Variants in CDH13 observed in about 807,000 individuals in gnomAD.
CDH13 encodes the protein cadherin 13.
CDH13 carries 24 observed loss-of-function variants against 63.8 expected under a neutral mutation model. That is an observed-to-expected ratio of 0.38 (90% CI 0.27 to 0.53). The LOEUF (loss-of-function observed/expected upper bound fraction) is 0.53. Among genes scored for constraint, CDH13 ranks in the 20% least tolerant of loss-of-function variants. The pLI is 0.85. For synonymous variants in CDH13, 503 were observed against 355.3 expected (o/e 1.42, Z -4.67); for missense variants, 1,049 against 903.1 (o/e 1.16, Z -2.07).
At chr16:82,783,452 G>C (rs1019029789) in intron 1 of CDH13, among the ~76,000 whole-genome samples, 4 of 152,228 alleles carry the variant, frequency 2.6e-5, no homozygotes, top group African/African-American at 7.2e-5. Flanking sequence ...CACTCAGCTT[G>C]AATTAAAGAG....
chr16:83,521,073 C>G (rs907653661), intron 7 of CDH13, among the ~76,000 whole-genome samples: 1 of 152,196 alleles, frequency 6.6e-6, no homozygotes, highest in Non-Finnish European at 1.5e-5. Flanking sequence ...AAGCAACATG[C>G]TCTCTTTTAC....
At chr16:83,693,311 G>C (rs1370937398) in intron 10 of CDH13, among the ~76,000 whole-genome samples, 1 of 152,168 alleles carries the variant, frequency 6.6e-6, no homozygotes, top group Non-Finnish European at 1.5e-5. Context: ...TTCAGGGAAA[G>C]TGTTTAGAAC....
chr16:83,342,190 C>G (rs1214397595), intron 5 of CDH13, among the ~76,000 whole-genome samples: 1 of 152,116 alleles, frequency 6.6e-6, no homozygotes, highest in Non-Finnish European at 1.5e-5. Flanking sequence ...ATTGCAATAG[C>G]CATATGTGGC....
intron 3 of CDH13, among the ~76,000 whole-genome samples, chr16:83,101,511 G>T (rs963193454): frequency 7.2e-5 from 11 of 151,858 alleles, no homozygotes; most frequent in African/African-American, 1.7e-4. Flanking sequence ...ACTGGGTAGA[G>T]GCTGGGCGTG....
At chr16:82,750,823 A>G (rs1324314900) in intron 1 of CDH13, among the ~76,000 whole-genome samples, 1 of 152,138 alleles carries the variant, frequency 6.6e-6, no homozygotes, top group Non-Finnish European at 1.5e-5. Context: ...TCTGATTTCC[A>G]ATTTTCTGTT....
intron 2 of CDH13, chr16:82,884,293 G>C (rs986474278): frequency 2.3e-6 from 1 of 442,408 alleles, no homozygotes; most frequent in Non-Finnish European, 4.5e-6. Context: ...AGTCAGCAGA[G>C]GCATGCTATT....
rs548899303 is a variant in CDH13, at chr16:83,086,013, C to T, written c.367-39372C>T. ...ATTTGTCTCAAATCAGCACAGCCTTCTACAGCTAAGGCAGGTGTACTGGCT... is the reference window on the plus strand; with the variant it reads ...ATTTGTCTCAAATCAGCACAGCCTTTTACAGCTAAGGCAGGTGTACTGGCT... On this transcript the variant is annotated intron_variant, in intron 3 of 13. Coordinates refer to ENST00000567109, the MANE Select transcript of CDH13 (RefSeq NM_001257.5). 4.6e-5 allele frequency among the ~76,000 whole-genome samples: 7 copies of T among 152,310 alleles called. No homozygotes were observed. In the South Asian group the frequency reaches 1.5e-3, roughly 32 times the overall value.
intron 2 of CDH13, among the ~76,000 whole-genome samples, chr16:82,913,638 G>T (rs952668123): frequency 1.3e-5 from 2 of 152,148 alleles, no homozygotes; most frequent in African/African-American, 2.4e-5. Context: ...CACAAGATGC[G>T]ATCGCTGACG....
chr16:83,294,765 G>A (rs1435032248), intron 5 of CDH13, among the ~76,000 whole-genome samples: 1 of 151,988 alleles, frequency 6.6e-6, no homozygotes, highest in Non-Finnish European at 1.5e-5. Context: ...TCCCATGTTC[G>A]TGGATTGCCG....
chr16:83,403,323 A>C (rs1410707209), intron 6 of CDH13, among the ~76,000 whole-genome samples: 1 of 152,128 alleles, frequency 6.6e-6, no homozygotes, highest in African/African-American at 2.4e-5. Flanking sequence ...CTTGGAGGAA[A>C]TAGAGGATAT....
intron 3 of CDH13, among the ~76,000 whole-genome samples, chr16:83,045,671 A>G (rs1917716060): frequency 6.7e-6 from 1 of 148,282 alleles, no homozygotes; most frequent in African/African-American, 2.5e-5. Flanking sequence ...ATGGGTCTGC[A>G]TTTCTCAAGG....
intron 1 of CDH13, among the ~76,000 whole-genome samples, chr16:82,674,787 A>G (rs1356396294): frequency 6.6e-6 from 1 of 152,222 alleles, no homozygotes; most frequent in East Asian, 1.9e-4. Flanking sequence ...TAAATTATTT[A>G]TAATTATGGT....
intron 4 of CDH13, among the ~76,000 whole-genome samples, chr16:83,198,872 A>C (rs984961425): frequency 1.3e-5 from 2 of 152,178 alleles, no homozygotes; most frequent in Admixed American, 1.3e-4. Flanking sequence ...AAAATTAAAT[A>C]ATGGGGTTTT....
At chr16:82,690,104 G>C (rs1363430873) in intron 1 of CDH13, among the ~76,000 whole-genome samples, 1 of 143,760 alleles carries the variant, frequency 7.0e-6, no homozygotes, top group Non-Finnish European at 1.5e-5. Flanking sequence ...GGAGGCAGAG[G>C]TTGCAGTGAG....
chr16:82,790,024 A>C (rs1267987455), intron 1 of CDH13, among the ~76,000 whole-genome samples: 4 of 152,096 alleles, frequency 2.6e-5, no homozygotes, highest in African/African-American at 9.7e-5. Flanking sequence ...GACATGAAGG[A>C]CTTCTTCTTA....
At chr16:82,887,067 C>G (rs1179647520) in intron 2 of CDH13, among the ~76,000 whole-genome samples, 3 of 152,128 alleles carry the variant, frequency 2.0e-5, no homozygotes, top group Non-Finnish European at 4.4e-5. Context: ...CCCTAGAAGC[C>G]TCCTTTTAAA....
chr16:82,677,512 A>G (rs1442261091), intron 1 of CDH13, among the ~76,000 whole-genome samples: 1 of 145,366 alleles, frequency 6.9e-6, no homozygotes, highest in Non-Finnish European at 1.5e-5. Flanking sequence ...AATGCTGAAC[A>G]CCTTTGAAGT....
chr16:83,166,616 T>C (rs527881031), intron 4 of CDH13, among the ~76,000 whole-genome samples: 2 of 152,294 alleles, frequency 1.3e-5, no homozygotes, highest in East Asian at 1.9e-4. Flanking sequence ...AGAGGGAATA[T>C]AGATTGTGCT....
chr16:83,351,263 C>T (rs1458249094), intron 6 of CDH13, among the ~76,000 whole-genome samples: 1 of 147,332 alleles, frequency 6.8e-6, no homozygotes, highest in East Asian at 2.0e-4. Context: ...TCTGGAATAT[C>T]AGGCATGTGG....
Sources: allele counts gnomAD v4.1 joint callset (sites outside exome capture counted in the v4.1 genomes callset), GRCh38; gene constraint gnomAD v4.1.1; transcripts MANE v1.5; gene names NCBI Gene and HGNC (gene_info 2026-07-23, HGNC 2026-07-21).